Variants in MCF2 observed in about 807,000 individuals in gnomAD.
The protein encoded by MCF2 is MCF.2 cell line derived transforming sequence, also known as proto-oncogene DBL.
MCF2 carries 44 observed loss-of-function variants against 82.5 expected under a neutral mutation model. The ratio of observed to expected loss-of-function variants is 0.53; its 90% CI spans 0.42 to 0.69. MCF2 has a LOEUF of 0.69. Among genes scored for constraint, MCF2 ranks in the 30% least tolerant of loss-of-function variants. The pLI, the probability that MCF2 is intolerant of heterozygous loss-of-function variation, is 0.00. For synonymous variants in MCF2, 217 were observed against 224.9 expected (o/e 0.96, Z 0.32); for missense variants, 623 against 663.1 (o/e 0.94, Z 0.66).
chrX:139,673,319 G>A (rs1934762326), intron 1 of MCF2, among the ~76,000 whole-genome samples: 1 of 111,212 alleles, frequency 9.0e-6, no homozygotes, highest in Admixed American at 9.6e-5. Context: ...ATCTCCTTCA[G>A]TTCTGCTCTG....
intron 2 of MCF2, among the ~76,000 whole-genome samples, chrX:139,648,782 G>A (rs1315378180): frequency 8.9e-6 from 1 of 112,191 alleles, no homozygotes; most frequent in African/African-American, 3.2e-5. Flanking sequence ...AGATTTCAGA[G>A]TCGAAAATAT....
At chrX:139,582,812 A>G (rs1184278730) in intron 24 of MCF2, among the ~76,000 whole-genome samples, 1 of 112,221 alleles carries the variant, frequency 8.9e-6, no homozygotes, top group African/African-American at 3.2e-5. Flanking sequence ...GTTCTTTACA[A>G]TGCCTTCATA....
At chrX:139,634,223 T>C in intron 1 of MCF2, among the ~76,000 whole-genome samples, 1 of 111,114 alleles carries the variant, frequency 9.0e-6, no homozygotes, top group Middle Eastern at 4.6e-3. Flanking sequence ...ATATGAAAAA[T>C]GTTCCAACTG....
At chrX:139,642,962 G>T, upstream of MCF2, 1 of 333,708 alleles carries the variant, frequency 3.0e-6, no homozygotes, top group Non-Finnish European at 4.1e-6. Context: ...CTTTGTGAAG[G>T]TAGTATTAAC....
chrX:139,652,635 T>C (rs1880678802), intron 1 of MCF2, among the ~76,000 whole-genome samples: 1 of 111,881 alleles, frequency 8.9e-6, no homozygotes, highest in South Asian at 3.8e-4. Context: ...CTCTGGTCCA[T>C]GAACAAGGAA....
At chrX:139,594,192 C>T (rs769335431) in intron 19 of MCF2, among the ~76,000 whole-genome samples, 1 of 109,431 alleles carries the variant, frequency 9.1e-6, no homozygotes, top group Non-Finnish European at 1.9e-5. Context: ...ATCAAGCTAC[C>T]AATGACTTTC....
intron 3 of MCF2, among the ~76,000 whole-genome samples, chrX:139,631,117 T>C (rs1276795007): frequency 5.4e-5 from 6 of 111,603 alleles, no homozygotes; most frequent in African/African-American, 1.3e-4. Context: ...AGTTACTATA[T>C]AGCCACAGGA....
At chrX:139,616,307 T>A in exon 9 of MCF2, 1 of 1,128,116 alleles carries the variant, frequency 8.9e-7, no homozygotes, top group Non-Finnish European at 1.2e-6. Context: ...TAATATTACA[T>A]CAAATTCATA....
chrX:139,634,926 T>C (rs896947532), intron 1 of MCF2, among the ~76,000 whole-genome samples: 1 of 110,448 alleles, frequency 9.1e-6, no homozygotes, highest in Non-Finnish European at 1.9e-5. Context: ...TGAGACCCCA[T>C]CTCTACAAAA....
chrX:139,703,305 G>A (rs1442516974), intron 1 of MCF2, among the ~76,000 whole-genome samples: 1 of 111,857 alleles, frequency 8.9e-6, no homozygotes, highest in African/African-American at 3.3e-5. Context: ...TTATTTTAGA[G>A]TGAGAAATTG....
chrX:139,610,003 G>A (rs1164285759), intron 11 of MCF2, among the ~76,000 whole-genome samples: 10 of 112,473 alleles, frequency 8.9e-5, no homozygotes, highest in Admixed American at 7.5e-4. Flanking sequence ...GCTTACTTAC[G>A]ATTATTGAAG....
intron 2 of MCF2, 125 bp downstream of exon 5, chrX:139,632,210 A>C: frequency 2.3e-6 from 1 of 434,162 alleles, no homozygotes. Context: ...TCAAATGTAT[A>C]CTTTTAAAAG....
intron 12 of MCF2, 85 bp downstream of exon 16, chrX:139,607,605 AT>A: frequency 1.6e-6 from 1 of 637,650 alleles, no homozygotes; most frequent in Non-Finnish European, 2.3e-6. Context: ...GTGAACTCAA[AT>A]TTCTAATCAC....
intron 2 of MCF2, among the ~76,000 whole-genome samples, chrX:139,649,480 G>T (rs1439252327): frequency 3.6e-5 from 4 of 111,549 alleles, no homozygotes; most frequent in Non-Finnish European, 7.5e-5. Context: ...TACTTGCCAA[G>T]CAAGCTGGTG....
At chrX:139,582,100 A>C (rs1928526166) in exon 25 of MCF2, 4 of 241,600 alleles carry the variant, frequency 1.7e-5, no homozygotes, top group Admixed American at 6.4e-5. Flanking sequence ...GCTTTACTTG[A>C]CCTTAGCCAT....
At chrX:139,588,413 G>A (rs766601874) in exon 21 of MCF2, 27 of 1,198,759 alleles carry the variant, frequency 2.3e-5, no homozygotes, top group Non-Finnish European at 1.7e-5. Context: ...TTTTAGCCAC[G>A]TCATCTTCAC....
At chrX:139,618,647 A>G (rs1569361184) in intron 7 of MCF2, among the ~76,000 whole-genome samples, 1 of 111,575 alleles carries the variant, frequency 9.0e-6, no homozygotes, top group East Asian at 2.8e-4. Flanking sequence ...ACTAGTTATC[A>G]TAACTGTTGC....
At chrX:139,596,427 A>T (rs940177586) in intron 19 of MCF2, 122 bp downstream of exon 23, 252 of 494,743 alleles carry the variant, frequency 5.1e-4, no homozygotes, top group East Asian at 7.3e-4. Context: ...AAGATTTTTT[A>T]AAAAAAACAA....
chrX:139,651,694 G>A, intron 2 of MCF2, 26 bp downstream of exon 2: 1 of 1,007,171 alleles, frequency 9.9e-7, no homozygotes, highest in Non-Finnish European at 1.4e-6. Flanking sequence ...TATCTATCTG[G>A]ACTATATATA....
Sources: allele counts gnomAD v4.1 joint callset (sites outside exome capture counted in the v4.1 genomes callset), GRCh38; gene constraint gnomAD v4.1.1; transcripts MANE v1.5; gene names NCBI Gene and HGNC (gene_info 2026-07-23, HGNC 2026-07-21).